The following PCYT1A variants were observed in gnomAD, a reference collection of about 807,000 sequenced individuals.
The protein encoded by PCYT1A is phosphate cytidylyltransferase 1A, choline.
A neutral mutation model predicts 43.7 loss-of-function variants in PCYT1A; 25 were observed. The ratio of observed to expected loss-of-function variants is 0.57; its 90% confidence interval spans 0.42 to 0.80. PCYT1A has a LOEUF of 0.80. PCYT1A is among the 30% of genes least tolerant of loss of function. The pLI is 0.00. For missense variants in PCYT1A, 421 were observed against 474.2 expected, an observed-to-expected ratio of 0.89 and a Z score of 1.04; for synonymous variants, 172 against 170.7, an observed-to-expected ratio of 1.01 and a Z score of -0.06.
Position 196,239,741 on chromosome 3 carries a change from T to C in PCYT1A, c.709-6A>G. 1 of 1,572,014 alleles carries C rather than the reference T, an allele frequency of 6.4e-7. No individual in the cohort carries two copies. The highest frequency in any genetic ancestry group is 1.1e-5 in the South Asian group (1 of 90,190). On this transcript the variant is annotated splice_polypyrimidine_tract_variant and splice_region_variant and intron_variant, in intron 7 of 8. Coordinates refer to ENST00000431016, the MANE Select transcript of PCYT1A (RefSeq NM_001312673.2). ...TGCAAGTGGTATTTCTTCTCCTAGA[T>C]AAAGAAATAACTCTTCTGAGAAATA...
chr3:196,280,569 T>TG (rs1491117909), intron 1 of PCYT1A, among the ~76,000 whole-genome samples: 6 of 122,790 alleles, frequency 4.9e-5, no homozygotes, highest in Non-Finnish European at 1.0e-4. Context: ...GTATTTTTAT[T>TG]GTTTTTTTTT....
intron 7 of PCYT1A, among the ~76,000 whole-genome samples, chr3:196,240,194 G>C (rs907869900): frequency 5.9e-5 from 9 of 152,036 alleles, no homozygotes; most frequent in Admixed American, 1.3e-4. Flanking sequence ...TTATTGTACT[G>C]GATTTTTCCC....
At position 196,238,557 on chromosome 3, in the gene PCYT1A, C is replaced by A; in HGVS notation, c.*131G>T. The A allele has an allele frequency of 1.6e-6, 1 of 635,130 alleles. No homozygotes were observed. The highest frequency in any genetic ancestry group is 2.6e-6 in the Non-Finnish European group (1 of 384,200). 39.3% of individuals were successfully genotyped at this position (635,130 alleles called of 1,614,324 possible). The stretch of plus-strand genomic sequence containing the variant: ...TGTTTGGGTTCCCCCAGTCCTAGGT[C>A]TTCTTTCCCCAGTTGTCTTTCCTTT... On this transcript the variant is annotated 3_prime_UTR_variant, in exon 9 of 9. Coordinates refer to ENST00000431016, the MANE Select transcript of PCYT1A (RefSeq NM_001312673.2).
intron 1 of PCYT1A, among the ~76,000 whole-genome samples, chr3:196,279,826 C>CTTTTTTTTTTTTTTTTTTTTTTTTTTT: frequency 2.0e-5 from 1 of 50,930 alleles, no homozygotes; most frequent in Non-Finnish European, 3.3e-5. Context: ...CCAGTCCTTT[C>CTTTTTTTTTTTTTTTTTTTTTTTTTTT]TTTTTTTTTT....
At chr3:196,285,936 A>G (rs1334345465) in intron 1 of PCYT1A, among the ~76,000 whole-genome samples, 2 of 151,954 alleles carry the variant, frequency 1.3e-5, no homozygotes, top group African/African-American at 4.8e-5. Context: ...TTCTGCCCCT[A>G]TCTTGAGTTT....
chr3:196,264,824 C>A (rs1245652295), intron 2 of PCYT1A, among the ~76,000 whole-genome samples: 1 of 152,102 alleles, frequency 6.6e-6, no homozygotes, highest in Non-Finnish European at 1.5e-5. Flanking sequence ...CTGTTTCTTT[C>A]TCTTTTTTGT....
At chr3:196,243,327 C>CA (rs35854110) in intron 5 of PCYT1A, 15,938 of 131,458 alleles carry the variant, frequency 0.12, 1,015 homozygotes, top group South Asian at 0.2. Context: ...GACTCTGTCT[C>CA]AAAAAAAAAA....
rs1290959607 is a variant in PCYT1A at position 196,236,208 on chromosome 3, T to C, written c.*2480A>G. 6.6e-6 allele frequency: 1 copy of C among 152,084 alleles called. No individual in the cohort carries two copies. The highest frequency in any genetic ancestry group is 1.5e-5 in the Non-Finnish European group (1 of 68,044). The allele number at this position is 152,084 out of a possible 1,614,324, so 9.4% of individuals were successfully genotyped here. A position where few individuals can be genotyped will look rare whatever the true frequency, so the allele number is the denominator to read the frequency against. On this transcript the variant is annotated 3_prime_UTR_variant, in exon 9 of 9. Transcript: ENST00000431016. ...ATATATTTAGGAGGTATGGCTCCAA[T>C]AGGGAGGGAGGAGGAAAACCACGTT...
intron 2 of PCYT1A, among the ~76,000 whole-genome samples, chr3:196,269,573 A>G (rs1725372677): frequency 6.6e-6 from 1 of 152,088 alleles, no homozygotes; most frequent in Non-Finnish European, 1.5e-5. Flanking sequence ...TGTGGAGGAA[A>G]GCTTTAGGAA....
At chr3:196,281,776 C>T (rs571583976) in intron 1 of PCYT1A, among the ~76,000 whole-genome samples, 17 of 152,256 alleles carry the variant, frequency 1.1e-4, no homozygotes, top group Admixed American at 2.6e-4. Flanking sequence ...TGGCTCACTG[C>T]AGCCTCGAAC....
chr3:196,266,939 G>C (rs1725290846), intron 2 of PCYT1A, among the ~76,000 whole-genome samples: 1 of 152,034 alleles, frequency 6.6e-6, no homozygotes, highest in African/African-American at 2.4e-5. Context: ...GGGAGGCCGA[G>C]GCGGGCGGAT....
At chr3:196,244,451 G>A (rs1174701246) in intron 5 of PCYT1A, among the ~76,000 whole-genome samples, 1 of 150,330 alleles carries the variant, frequency 6.7e-6, no homozygotes, top group Non-Finnish European at 1.5e-5. Flanking sequence ...TCCTCTGCCC[G>A]GCCGCGACCC....
chr3:196,283,329 A>G (rs1725822757), intron 1 of PCYT1A: 2 of 152,156 alleles, frequency 1.3e-5, no homozygotes, highest in Admixed American at 1.3e-4. Context: ...GTCTCAAAAA[A>G]TAAATAAATA....
At chr3:196,260,825 G>GA (rs748823534) in intron 2 of PCYT1A, among the ~76,000 whole-genome samples, 4 of 152,148 alleles carry the variant, frequency 2.6e-5, no homozygotes, top group Non-Finnish European at 5.9e-5. Flanking sequence ...GGGAGATAGA[G>GA]AAAGACTCTG....
At position 196,252,795 on chromosome 3, in the gene PCYT1A, A is replaced by G. The variant is rs1046419351; in HGVS notation, c.218-4472T>C. Among the ~76,000 whole-genome samples, 2 of 152,164 alleles carry G rather than the reference A, an allele frequency of 1.3e-5. No individual in the cohort carries two copies. Among genetic ancestry groups the G allele is most frequent in the African/African-American group, 4.8e-5 (2 of 41,418 alleles). On this transcript the variant is annotated intron_variant, in intron 3 of 8. Coordinates refer to ENST00000431016, the MANE Select transcript of PCYT1A (RefSeq NM_001312673.2). This position sits in a 1 kb window ranked among gnomAD's most constrained non-coding sequence, Gnocchi z 4.0. Reference sequence around the variant, plus strand: ...GTAATTCCAGCACCTTGGGAGACCAAGGTAGGAGGACTGCTTGAGCCCAGG... The same window carrying G: ...GTAATTCCAGCACCTTGGGAGACCAGGGTAGGAGGACTGCTTGAGCCCAGG...
chr3:196,249,720 C>T (rs1724686886), intron 3 of PCYT1A, among the ~76,000 whole-genome samples: 1 of 152,198 alleles, frequency 6.6e-6, no homozygotes, highest in Admixed American at 6.5e-5. Context: ...CTGACAGGAG[C>T]ATTTACATCA....
At chr3:196,250,172 G>A (rs1007185182) in intron 3 of PCYT1A, among the ~76,000 whole-genome samples, 2 of 142,882 alleles carry the variant, frequency 1.4e-5, no homozygotes, top group South Asian at 2.4e-4. Context: ...ACACCATGCC[G>A]AGGCTGAGGA....
chr3:196,246,569 G>A (rs1186306011), intron 5 of PCYT1A, among the ~76,000 whole-genome samples: 1 of 152,160 alleles, frequency 6.6e-6, no homozygotes, highest in African/African-American at 2.4e-5. Flanking sequence ...AGAATTAAAA[G>A]GAGGTAAGGG....
At chr3:196,274,390 A>T (rs1577374259) in intron 1 of PCYT1A, among the ~76,000 whole-genome samples, 1 of 152,258 alleles carries the variant, frequency 6.6e-6, no homozygotes, top group African/African-American at 2.4e-5. Flanking sequence ...GCAGCAGCCC[A>T]TCCAGACAGG....
Sources: gnomAD v4.1 joint callset for allele counts (sites outside exome capture counted in the v4.1 genomes callset) on GRCh38, gnomAD v4.1.1 for gene constraint, Gnocchi (gnomAD v3.1) non-coding constraint, MANE v1.5 for transcripts, NCBI Gene and HGNC (gene_info 2026-07-23, HGNC 2026-07-21) for gene names.